The following CDH18 variants were observed in gnomAD, a reference collection of about 807,000 sequenced individuals.
CDH18 encodes cadherin-18.
CDH18 carries 31 observed loss-of-function variants against 67.9 expected under a neutral mutation model. The observed-to-expected ratio is 0.46, with a 90% CI of 0.34 to 0.62. CDH18 has a LOEUF of 0.62. Among genes scored for constraint, CDH18 ranks in the 20% least tolerant of loss-of-function variants. The pLI, the probability that CDH18 is intolerant of heterozygous loss-of-function variation, is 0.01. For missense variants in CDH18, 890 were observed against 975.5 expected (o/e 0.91, Z 1.17); for synonymous variants, 362 against 347.2 (o/e 1.04, Z -0.48).
chr5:20,210,356 G>C (rs1580485964), intron 2 of CDH18, among the ~76,000 whole-genome samples: 1 of 151,980 alleles, frequency 6.6e-6, no homozygotes, highest in Middle Eastern at 3.4e-3. Flanking sequence ...AGGTTCCTGA[G>C]TGTATCATTT....
rs532398125 is a variant in CDH18 at position 19,555,155 on chromosome 5, G to T, written c.1254-11150C>A. ...AGCCAGGGAAAATGGCGGAGAGGAG[G>T]CAGGACTAACTTGCAGCTCCCACAT... On this transcript the variant is annotated intron_variant, in intron 8 of 12. Coordinates refer to ENST00000382275, the MANE Select transcript of CDH18 (RefSeq NM_004934.5). Among the ~76,000 whole-genome samples, 10 of 152,282 alleles carry T rather than the reference G, an allele frequency of 6.6e-5. No homozygotes were observed. The East Asian group carries it at 1.9e-3, about 29-fold the overall frequency.
chr5:20,009,498 T>C (rs1216743150), intron 2 of CDH18, among the ~76,000 whole-genome samples: 1 of 152,158 alleles, frequency 6.6e-6, no homozygotes, highest in Non-Finnish European at 1.5e-5. Context: ...CAGAGTATAA[T>C]CTTTATACAT....
At chr5:19,790,935 G>A (rs1222893213) in intron 3 of CDH18, among the ~76,000 whole-genome samples, 2 of 152,070 alleles carry the variant, frequency 1.3e-5, no homozygotes, top group Non-Finnish European at 2.9e-5. Context: ...CATGAAGGAG[G>A]TGTCAAGAAC....
intron 2 of CDH18, among the ~76,000 whole-genome samples, chr5:19,951,110 T>C (rs1795745645): frequency 1.3e-5 from 2 of 152,134 alleles, no homozygotes; most frequent in Non-Finnish European, 2.9e-5. Flanking sequence ...CAATTGGCTG[T>C]GGCAGACATG....
At chr5:19,613,703 C>T (rs1419891653) in intron 5 of CDH18, among the ~76,000 whole-genome samples, 2 of 152,058 alleles carry the variant, frequency 1.3e-5, no homozygotes, top group African/African-American at 2.4e-5. Context: ...TAGAGTCTTA[C>T]GTTTTAAAGT....
chr5:20,424,065 A>G (rs1284494325), intron 1 of CDH18, among the ~76,000 whole-genome samples: 1 of 150,618 alleles, frequency 6.6e-6, no homozygotes, highest in Non-Finnish European at 1.5e-5. Flanking sequence ...TAAATAAAAT[A>G]TACAATTACA....
chr5:19,606,953 A>G (rs988952452), intron 6 of CDH18, among the ~76,000 whole-genome samples: 3 of 151,752 alleles, frequency 2.0e-5, no homozygotes, highest in African/African-American at 7.2e-5. Flanking sequence ...ACAGTAAACT[A>G]TTGTACAGTA....
intron 2 of CDH18, among the ~76,000 whole-genome samples, chr5:19,876,114 T>C (rs1046750992): frequency 1.3e-5 from 2 of 152,130 alleles, no homozygotes; most frequent in African/African-American, 4.8e-5. Context: ...TACATTCAGG[T>C]GTGGTCCATA....
At position 20,021,088 on chromosome 5, in the gene CDH18, T is replaced by G. The variant is rs549481124; in HGVS notation, c.-517-29074A>C. Among the ~76,000 whole-genome samples the G allele has an allele frequency of 7.2e-5, 11 of 152,050 alleles. No homozygotes were observed. In the South Asian group the frequency reaches 2.1e-3, roughly 29 times the overall value. On this transcript the variant is annotated intron_variant, in intron 2 of 14. Coordinates refer to the CDH18 transcript ENST00000507958. ...GGAGATTATTTTGGAGCTTTAAGATTTAACGACTGCCCTACTGGGTTGGGA... is the reference window on the plus strand; with the variant it reads ...GGAGATTATTTTGGAGCTTTAAGATGTAACGACTGCCCTACTGGGTTGGGA...
At chr5:20,566,961 A>G (rs752514792) in intron 1 of CDH18, among the ~76,000 whole-genome samples, 5 of 152,168 alleles carry the variant, frequency 3.3e-5, no homozygotes, top group Admixed American at 6.6e-5. Context: ...CCAATTGTTC[A>G]ATACTGTATT....
At chr5:20,487,443 C>T (rs965378430) in intron 1 of CDH18, among the ~76,000 whole-genome samples, 1 of 149,226 alleles carries the variant, frequency 6.7e-6, no homozygotes. Context: ...TATAATCGGG[C>T]TACATCAATA....
chr5:19,982,993 A>AAGATTGCG (rs1579940246), intron 1 of CDH18, among the ~76,000 whole-genome samples: 3 of 144,014 alleles, frequency 2.1e-5, no homozygotes, highest in South Asian at 2.3e-4. Context: ...GCAGTGCGCC[A>AAGATTGCG]CTGTCGTCCA....
chr5:20,295,365 A>G (rs765652104), intron 1 of CDH18, among the ~76,000 whole-genome samples: 1 of 152,214 alleles, frequency 6.6e-6, no homozygotes, highest in Non-Finnish European at 1.5e-5. Flanking sequence ...CCCTTAGCAG[A>G]CAATGAGACA....
chr5:20,403,568 A>T (rs1745971384), intron 1 of CDH18, among the ~76,000 whole-genome samples: 1 of 152,208 alleles, frequency 6.6e-6, no homozygotes, highest in Non-Finnish European at 1.5e-5. Context: ...GTGTATTGTC[A>T]CTGAGAAGTA....
intron 5 of CDH18, among the ~76,000 whole-genome samples, chr5:19,666,986 GA>G (rs1758044622): frequency 6.6e-6 from 1 of 151,984 alleles, no homozygotes; most frequent in African/African-American, 2.4e-5. Flanking sequence ...ATTATGGTGA[GA>G]ATTTGGCACT....
intron 1 of CDH18, among the ~76,000 whole-genome samples, chr5:20,476,977 C>A (rs910548031): frequency 6.6e-6 from 1 of 151,952 alleles, no homozygotes; most frequent in African/African-American, 2.4e-5. Flanking sequence ...TTTTACTTTT[C>A]CTTGCGTTTG....
rs73762477 is a variant in CDH18 at position 19,980,696 on chromosome 5, C to T, written c.-257+364G>A. 4.7e-3 allele frequency among the ~76,000 whole-genome samples: 712 copies of T among 152,118 alleles called. 7 individuals are homozygous for T. The highest frequency in any genetic ancestry group is 0.016 in the African/African-American group (658 of 41,492). ...TTTAACATTTTCTCTCATATTCAGT[C>T]TCTTCACTTTAAGTGCAATCTAATA... On this transcript the variant is annotated intron_variant, in intron 2 of 12. Coordinates refer to ENST00000382275, the MANE Select transcript of CDH18 (RefSeq NM_004934.5).
At chr5:20,515,979 G>A (rs919917705) in intron 1 of CDH18, among the ~76,000 whole-genome samples, 7 of 151,956 alleles carry the variant, frequency 4.6e-5, no homozygotes, top group East Asian at 1.9e-4. Flanking sequence ...TGACTTTAAC[G>A]ATTACAATGT....
chr5:20,155,223 TTA>T (rs1030243521), intron 2 of CDH18, among the ~76,000 whole-genome samples: 4 of 152,168 alleles, frequency 2.6e-5, no homozygotes, highest in African/African-American at 9.6e-5. Context: ...CTGAAAAATG[TTA>T]TGTTTGCATA....
Sources: allele counts gnomAD v4.1 joint callset (sites outside exome capture counted in the v4.1 genomes callset), GRCh38; gene constraint gnomAD v4.1.1; transcripts MANE v1.5; gene names NCBI Gene and HGNC (gene_info 2026-07-23, HGNC 2026-07-21).